ZKSCAN1: variants seen among roughly 807,000 people sequenced by gnomAD.
ZKSCAN1 encodes zinc finger protein with KRAB and SCAN domains 1.
ZKSCAN1 carries 14 observed loss-of-function variants against 51.6 expected under a neutral mutation model. The observed-to-expected ratio is 0.27, with a 90% CI of 0.18 to 0.42. ZKSCAN1 has a LOEUF of 0.42. Ranked by LOEUF, ZKSCAN1 falls within the 10% of genes least tolerant of loss-of-function variation. The pLI, the probability that ZKSCAN1 is intolerant of heterozygous loss-of-function variation, is 1.00. For synonymous variants in ZKSCAN1, 263 were observed against 261.5 expected, an observed-to-expected ratio of 1.01 and a Z score of -0.06; for missense variants, 531 against 710.0, an observed-to-expected ratio of 0.75 and a Z score of 2.86.
chr7:100,019,848 T>C (rs1444271872), intron 1 of ZKSCAN1, among the ~76,000 whole-genome samples: 2 of 151,978 alleles, frequency 1.3e-5, no homozygotes, highest in African/African-American at 4.8e-5. Context: ...ACTACAGGCA[T>C]TGCACCACCA....
In ZKSCAN1 at chr7:100,037,806, A is replaced by G. The variant is rs1249497708; in HGVS notation, c.*3609A>G. 5 of 833,954 alleles carry G rather than the reference A, an allele frequency of 6.0e-6. No homozygotes were observed. The African/African-American group carries it at 9.3e-5, about 15-fold the overall frequency. The allele number at this position is 833,954 out of a possible 1,614,324, so 51.7% of individuals were successfully genotyped here. ...GCCGAGGCAGGCGGATCACGAGGTC[A>G]GTAGTTCGAGACCAGCCTGGCCAAC... is the stretch of plus-strand genomic sequence containing the variant. On this transcript the variant is annotated 3_prime_UTR_variant, in exon 6 of 6. Coordinates refer to ENST00000324306, the MANE Select transcript of ZKSCAN1 (RefSeq NM_003439.4).
chr7:100,026,230 C>CAAAA (rs58408632), intron 3 of ZKSCAN1, among the ~76,000 whole-genome samples: 5 of 47,254 alleles, frequency 1.1e-4, no homozygotes, highest in Middle Eastern at 0.012. Context: ...AAACTCATCT[C>CAAAA]AAAAAAAAAA....
intron 3 of ZKSCAN1, among the ~76,000 whole-genome samples, chr7:100,025,369 A>G (rs1368854300): frequency 6.6e-6 from 1 of 151,644 alleles, no homozygotes; most frequent in Non-Finnish European, 1.5e-5. Context: ...TTATTTTCAG[A>G]AATTTCAAAC....
chr7:100,037,303 G>A lies in ZKSCAN1; in HGVS notation c.*3106G>A. ...GTTTTTCAATATATACCCTACCCTTGCCAGGAAGAGAAGTAAAATCCTCAG... is the reference window on the plus strand; with the variant it reads ...GTTTTTCAATATATACCCTACCCTTACCAGGAAGAGAAGTAAAATCCTCAG... On this transcript the variant is annotated 3_prime_UTR_variant, in exon 6 of 6. Coordinates refer to ENST00000324306, the MANE Select transcript of ZKSCAN1 (RefSeq NM_003439.4). The A allele has an allele frequency of 1.0e-6, 1 of 985,340 alleles. No individual in the cohort carries two copies. Among genetic ancestry groups the A allele is most frequent in the Non-Finnish European group, 1.2e-6 (1 of 829,940 alleles). 61.0% of individuals were successfully genotyped at this position (985,340 alleles called of 1,614,324 possible).
At chr7:100,027,347 A>G (rs918972529) in intron 3 of ZKSCAN1, among the ~76,000 whole-genome samples, 1 of 151,570 alleles carries the variant, frequency 6.6e-6, no homozygotes, top group African/African-American at 2.4e-5. Flanking sequence ...CAGTGTGTTT[A>G]TTGGTGATGA....
chr7:100,029,416 A>G (rs2115904300), intron 3 of ZKSCAN1, among the ~76,000 whole-genome samples: 1 of 152,148 alleles, frequency 6.6e-6, no homozygotes, highest in Non-Finnish European at 1.5e-5. Flanking sequence ...TGTGTTTTCC[A>G]CAAGTGTAGG....
In ZKSCAN1 at chr7:100,040,274, T is replaced by G; in HGVS notation, c.*6077T>G. On this transcript the variant is annotated 3_prime_UTR_variant, in exon 6 of 6. Coordinates refer to ENST00000324306, the MANE Select transcript of ZKSCAN1 (RefSeq NM_003439.4). ...CCAATCTCATGTTTTCCTGTTACCC[T>G]AAAACAGTGGAAGGAAACTGGGTGT... The G allele has an allele frequency of 1.0e-6, 1 of 985,458 alleles. No homozygotes were observed. Among genetic ancestry groups the G allele is most frequent in the Non-Finnish European group, 1.2e-6 (1 of 829,944 alleles). 61.0% of individuals were successfully genotyped at this position (985,458 alleles called of 1,614,324 possible).
At chr7:100,042,337 A>AG (rs1562837514), downstream of ZKSCAN1, among the ~76,000 whole-genome samples, 21 of 148,412 alleles carry the variant, frequency 1.4e-4, no homozygotes, top group African/African-American at 4.9e-4. Context: ...AAAAAAAAAA[A>AG]AGGTGAACTG....
intron 3 of ZKSCAN1, among the ~76,000 whole-genome samples, chr7:100,027,081 G>A (rs1790870148): frequency 1.3e-5 from 2 of 152,170 alleles, no homozygotes; most frequent in African/African-American, 4.8e-5. Context: ...CAAATCACTT[G>A]AGGTCAGGAG....
chr7:100,028,213 C>T (rs936778041), intron 3 of ZKSCAN1, among the ~76,000 whole-genome samples: 1 of 152,036 alleles, frequency 6.6e-6, no homozygotes, highest in East Asian at 1.9e-4. Context: ...ACTAGCTGAG[C>T]GTGGTGGCAG....
chr7:100,017,289 C>T (rs1790409798), intron 1 of ZKSCAN1, among the ~76,000 whole-genome samples: 1 of 151,748 alleles, frequency 6.6e-6, no homozygotes. Flanking sequence ...GTGGTGCGAT[C>T]TCGGCTTACT....
At position 100,034,454 on chromosome 7, in the gene ZKSCAN1, C is replaced by T. The variant is rs1791260884; in HGVS notation, c.*257C>T. ...GAGATTTCCACACAAGAGAAAAGCA[C>T]ACGCATAGTGAAATGTCAGTCTTTT... On this transcript the variant is annotated 3_prime_UTR_variant, in exon 6 of 6. Transcript: ENST00000324306. The T allele has an allele frequency of 1.7e-6, 2 of 1,209,260 alleles. No individual in the cohort carries two copies. The highest frequency in any genetic ancestry group is 2.1e-6 in the Non-Finnish European group (2 of 972,270). The allele number at this position is 1,209,260 out of a possible 1,614,324, so 74.9% of individuals were successfully genotyped here.
chr7:100,036,138 C>T lies in ZKSCAN1; in HGVS notation c.*1941C>T. Reference sequence around the variant, plus strand: ...GTGGGAGCTAAAACTGCACAGTGGTCATTCTTTGGCCTCTCCTTGGCTTTA... The same window carrying T: ...GTGGGAGCTAAAACTGCACAGTGGTTATTCTTTGGCCTCTCCTTGGCTTTA... On this transcript the variant is annotated 3_prime_UTR_variant, in exon 6 of 6. Coordinates refer to ENST00000324306, the MANE Select transcript of ZKSCAN1 (RefSeq NM_003439.4). 1.0e-6 allele frequency: 1 copy of T among 985,392 alleles called. No individual in the cohort carries two copies. The highest frequency in any genetic ancestry group is 1.2e-6 in the Non-Finnish European group (1 of 829,914). 61.0% of individuals were successfully genotyped at this position (985,392 alleles called of 1,614,324 possible). A position where few individuals can be genotyped will look rare whatever the true frequency, so the allele number is the denominator to read the frequency against.
In ZKSCAN1 at chr7:100,034,171, G is replaced by C; in HGVS notation, c.1666G>C (p.Gly556Arg). 1.3e-6 allele frequency: 2 copies of C among 1,515,820 alleles called. No individual in the cohort carries two copies. The highest frequency in any genetic ancestry group is 2.6e-5 in the South Asian group (2 of 77,104). The allele number at this position is 1,515,820 out of a possible 1,614,324, so 93.9% of individuals were successfully genotyped here. The change falls in exon 6 of 6, where the codon GGC (glycine) becomes CGC (arginine). Residue 556 changes from glycine to arginine, a missense_variant. Gly to Arg is a moderately radical substitution (Grantham distance 125). This residue lies in a region of ZKSCAN1 where 128 missense variants were observed against 219.5 expected (regional missense o/e 0.58). Transcript: ENST00000324306. ...CAGCCCAGCCTCCCTTGATGCATTT[G>C]GCGCGTTCCTGAAAAGTTGTGTGTA... is the stretch of plus-strand genomic sequence containing the variant. ...EYSPASLDAF[G>R]AFLKSCV
chr7:100,044,964 C>T (rs767158289), downstream of ZKSCAN1: 28 of 985,076 alleles, frequency 2.8e-5, no homozygotes, highest in Non-Finnish European at 3.3e-5. Context: ...TGAGAACGAG[C>T]GAGGAAGATC....
chr7:100,018,944 C>T (rs1181496015), intron 1 of ZKSCAN1, among the ~76,000 whole-genome samples: 5 of 152,194 alleles, frequency 3.3e-5, no homozygotes, highest in Admixed American at 6.5e-5. Context: ...TCCTTAGAGT[C>T]GCATCTTCGC....
intron 1 of ZKSCAN1, among the ~76,000 whole-genome samples, chr7:100,020,375 G>A (rs1434748825): frequency 6.6e-6 from 1 of 152,090 alleles, no homozygotes; most frequent in Non-Finnish European, 1.5e-5. Context: ...GGAAAATTGG[G>A]ACCAGGCACT....
chr7:100,045,054 T>C (rs1318756286), downstream of ZKSCAN1: 5 of 885,138 alleles, frequency 5.6e-6, no homozygotes, highest in Non-Finnish European at 6.8e-6. Context: ...CACTAAATGC[T>C]GGAATCTTTT....
chr7:100,030,198 G>T (rs769570846), intron 4 of ZKSCAN1, 51 bp from the exon 5 acceptor site: 2 of 1,596,046 alleles, frequency 1.3e-6, no homozygotes, highest in South Asian at 1.1e-5. Context: ...TGAGCAATGG[G>T]ATTGTCCCTG....
Sources: allele counts gnomAD v4.1 joint callset (sites outside exome capture counted in the v4.1 genomes callset), GRCh38; gene constraint gnomAD v4.1.1; regional missense constraint gnomAD v4.1.1; transcripts MANE v1.5; gene names NCBI Gene and HGNC (gene_info 2026-07-23, HGNC 2026-07-21).